The following CLASP1 variants were observed in gnomAD, a reference collection of about 807,000 sequenced individuals.
CLASP1 encodes cytoplasmic linker associated protein 1.
Under a neutral mutation model 192.3 loss-of-function variants are expected in CLASP1, and 38 were observed. The observed-to-expected ratio is 0.20, with a 90% CI of 0.15 to 0.26. The LOEUF (loss-of-function observed/expected upper bound fraction) is 0.26, where lower values mean the gene tolerates loss of function less well. Ranked by LOEUF, CLASP1 falls within the 10% of genes least tolerant of loss-of-function variation. CLASP1 has a pLI of 1.00. For missense variants in CLASP1, 1,433 were observed against 1,932.5 expected (o/e 0.74, Z 4.85); for synonymous variants, 691 against 712.8 (o/e 0.97, Z 0.49).
chr2:121,349,420 C>T (rs182939324), intron 37 of CLASP1, among the ~76,000 whole-genome samples: 205 of 152,182 alleles, frequency 1.3e-3, no homozygotes, highest in Non-Finnish European at 2.2e-3. Context: ...TGGTAAGCAC[C>T]AGGTGATTTC....
chr2:121,531,083 C>G (rs532914111), intron 2 of CLASP1: 16 of 677,612 alleles, frequency 2.4e-5, no homozygotes, highest in South Asian at 1.7e-4. Context: ...TGTGGTTAAA[C>G]CAGTAGAGGG....
chr2:121,580,851 T>C (rs1434755767), intron 2 of CLASP1, among the ~76,000 whole-genome samples: 1 of 152,212 alleles, frequency 6.6e-6, no homozygotes, highest in Non-Finnish European at 1.5e-5. Flanking sequence ...GCCATTGTGA[T>C]GCAGAGTAAC....
intron 8 of CLASP1, 60 bp from the exon 9 acceptor site, chr2:121,470,020 T>A: frequency 7.8e-7 from 1 of 1,285,328 alleles, no homozygotes; most frequent in Non-Finnish European, 1.1e-6. Flanking sequence ...TATACATATA[T>A]ATATACTTTT....
intron 2 of CLASP1, among the ~76,000 whole-genome samples, chr2:121,590,003 G>A (rs2062198566): frequency 6.6e-6 from 1 of 152,042 alleles, no homozygotes; most frequent in Non-Finnish European, 1.5e-5. Flanking sequence ...TCATCAATCA[G>A]TTAAAGGGGA....
At chr2:121,568,242 C>A (rs1025696365) in intron 2 of CLASP1, among the ~76,000 whole-genome samples, 1 of 152,044 alleles carries the variant, frequency 6.6e-6, no homozygotes, top group Non-Finnish European at 1.5e-5. Flanking sequence ...AGTTCAGAGA[C>A]AGCACATTAC....
intron 1 of CLASP1, among the ~76,000 whole-genome samples, chr2:121,610,053 T>C (rs554024806): frequency 6.6e-6 from 1 of 152,366 alleles, no homozygotes; most frequent in Non-Finnish European, 1.5e-5. Flanking sequence ...CTGAATCTTC[T>C]AGGAAGGTTT....
At position 121,438,289 on chromosome 2, in the gene CLASP1, A is replaced by C. The variant is rs184801990; in HGVS notation, c.1913-8112T>G. Among the ~76,000 whole-genome samples the C allele has an allele frequency of 8.5e-5, 13 of 152,334 alleles. No individual in the cohort carries two copies. The East Asian group carries it at 2.5e-3, about 29-fold the overall frequency. ...ACAGGTGAAGTAAATTTAAAACCAC[A>C]ACTTGTGTGAGTAGACAGCTTAGTT... On this transcript the variant is annotated intron_variant, in intron 19 of 39. Coordinates refer to ENST00000263710, the Ensembl canonical transcript of CLASP1.
intron 5 of CLASP1, among the ~76,000 whole-genome samples, chr2:121,527,238 A>C (rs190427970): frequency 8.5e-5 from 13 of 152,352 alleles, no homozygotes; most frequent in African/African-American, 2.9e-4. Flanking sequence ...AAATTACCCA[A>C]ATGTTCTTCA....
intron 32 of CLASP1, 80 bp downstream of exon 33, chr2:121,387,042 A>T: frequency 3.4e-6 from 4 of 1,181,350 alleles, no homozygotes; most frequent in Non-Finnish European, 5.0e-6. Context: ...AGCTTAGTCT[A>T]AAAATCTAGA....
At chr2:121,621,930 C>T (rs1248247222) in intron 1 of CLASP1, among the ~76,000 whole-genome samples, 1 of 152,130 alleles carries the variant, frequency 6.6e-6, no homozygotes, top group African/African-American at 2.4e-5. Context: ...TTACTGCAAA[C>T]TTTGCCTCCC....
chr2:121,489,887 A>G (rs2093204781), intron 8 of CLASP1, among the ~76,000 whole-genome samples: 1 of 152,252 alleles, frequency 6.6e-6, no homozygotes. Context: ...AGAAATTTCT[A>G]GCCAGTAGAT....
intron 33 of CLASP1, among the ~76,000 whole-genome samples, chr2:121,378,802 A>C (rs1047973747): frequency 2.6e-5 from 4 of 152,174 alleles, no homozygotes; most frequent in Non-Finnish European, 5.9e-5. Context: ...CTGTTTAAGG[A>C]CTAAAGAAAA....
intron 14 of CLASP1, among the ~76,000 whole-genome samples, chr2:121,453,029 G>A (rs575881163): frequency 6.6e-6 from 1 of 152,310 alleles, no homozygotes; most frequent in South Asian, 2.1e-4. Context: ...GCTCACGCCT[G>A]TAATCCCAGC....
intron 8 of CLASP1, among the ~76,000 whole-genome samples, chr2:121,494,659 T>C (rs556101465): frequency 3.3e-5 from 5 of 152,324 alleles, no homozygotes; most frequent in East Asian, 1.9e-4. Context: ...CCTACTTACC[T>C]TGATGTGACT....
chr2:121,479,552 T>C (rs139702562), intron 8 of CLASP1, among the ~76,000 whole-genome samples: 21 of 152,328 alleles, frequency 1.4e-4, no homozygotes, highest in African/African-American at 5.1e-4. Context: ...ACTATATTCC[T>C]TGCCCATCTG....
intron 34 of CLASP1, among the ~76,000 whole-genome samples, chr2:121,374,858 AT>A (rs1299745790): frequency 3.9e-5 from 6 of 152,070 alleles, no homozygotes; most frequent in African/African-American, 7.2e-5. Flanking sequence ...CTTGTTTTTT[AT>A]TTTACAGGCT....
At chr2:121,467,830 T>G (rs138485020) in intron 9 of CLASP1, among the ~76,000 whole-genome samples, 9 of 152,222 alleles carry the variant, frequency 5.9e-5, no homozygotes, top group Admixed American at 5.9e-4. Context: ...TTTGTTGCAA[T>G]TGCTTTTGGT....
At chr2:121,455,453 C>T (rs2086429971) in intron 14 of CLASP1, among the ~76,000 whole-genome samples, 1 of 152,168 alleles carries the variant, frequency 6.6e-6, no homozygotes, top group African/African-American at 2.4e-5. Flanking sequence ...ATATATACAA[C>T]AGAATCTATT....
chr2:121,635,096 C>G (rs2070560032), intron 1 of CLASP1, among the ~76,000 whole-genome samples: 2 of 151,798 alleles, frequency 1.3e-5, no homozygotes, highest in Non-Finnish European at 2.9e-5. Flanking sequence ...AATCCCAGCA[C>G]TTTAGGAGGC....
Sources: allele counts gnomAD v4.1 joint callset (sites outside exome capture counted in the v4.1 genomes callset), GRCh38; gene constraint gnomAD v4.1.1; transcripts MANE v1.5; gene names NCBI Gene and HGNC (gene_info 2026-07-23, HGNC 2026-07-21).